The following FANCA variants were observed in gnomAD, a reference collection of about 807,000 sequenced individuals.
The protein encoded by FANCA is Fanconi anemia group A protein.
FANCA carries 236 observed loss-of-function variants against 194.3 expected under a neutral mutation model. The ratio of observed to expected loss-of-function variants is 1.21; its 90% CI spans 1.09 to 1.35. The LOEUF is 1.35. Ranked by LOEUF, FANCA falls within the 40% of genes most tolerant of loss-of-function variation. The probability of loss-of-function intolerance (pLI) is 0.00; values close to 1 mark genes in which losing one functional copy is unlikely to be tolerated. For synonymous variants in FANCA, 1,014 were observed against 715.8 expected (o/e 1.42, Z -6.65); for missense variants, 2,628 against 1,813.9 (o/e 1.45, Z -8.15).
At chr16:89,816,328 C>A (rs2041122953) in intron 1 of FANCA, 2 of 254,304 alleles carry the variant, frequency 7.9e-6, no homozygotes, top group East Asian at 1.2e-4. Context: ...GCCCCGCGGG[C>A]GGCGGCTGGG....
rs374649848 is a variant in FANCA at position 89,739,526 on chromosome 16, C to A, written c.3962G>T (p.Arg1321Leu). 3.9e-6 allele frequency: 6 copies of A among 1,551,202 alleles called. No homozygotes were observed. The highest frequency in any genetic ancestry group is 3.5e-6 in the Non-Finnish European group (4 of 1,147,066). ...SDLRLGRLLL[R>L]VAPDQHTRLL... is the part of the protein sequence containing the mutation. Reference sequence around the variant, plus strand: ...CCTGGTGTGCTGATCCGGGGCCACACGGAGGAGGAGCCGCCCCAGCCTGAG... The same window carrying A: ...CCTGGTGTGCTGATCCGGGGCCACAAGGAGGAGGAGCCGCCCCAGCCTGAG... Residue 1321 changes from arginine to leucine, a missense_variant, in exon 40 of 43, where the codon CGT (arginine) becomes CTT (leucine). Transcript: ENST00000389301.
intron 26 of FANCA, 34 bp from the exon 27 acceptor site, chr16:89,767,271 C>G (rs1240208650): frequency 6.9e-7 from 1 of 1,453,250 alleles, no homozygotes; most frequent in Non-Finnish European, 9.7e-7. Flanking sequence ...TAAATGTAAT[C>G]CATACAAAAT....
intron 17 of FANCA, among the ~76,000 whole-genome samples, chr16:89,782,537 T>C (rs2039755484): frequency 6.6e-6 from 1 of 151,984 alleles, no homozygotes; most frequent in African/African-American, 2.4e-5. Context: ...TTAACACTTT[T>C]CTGTGATTCA....
At chr16:89,789,262 G>C (rs2039990856) in intron 14 of FANCA, among the ~76,000 whole-genome samples, 1 of 150,314 alleles carries the variant, frequency 6.7e-6, no homozygotes, top group African/African-American at 2.5e-5. Flanking sequence ...AACACAAGCA[G>C]ATGCGGCTCA....
At chr16:89,768,222 G>T (rs988335541) in intron 26 of FANCA, among the ~76,000 whole-genome samples, 3 of 152,136 alleles carry the variant, frequency 2.0e-5, no homozygotes, top group Middle Eastern at 3.2e-3. Flanking sequence ...AGTGAGACCT[G>T]TGTCATTTAC....
rs150924963 is a variant in FANCA, at chr16:89,805,328, T to C, written c.661A>G (p.Met221Val). The change falls in exon 7 of 43, where the codon ATG (methionine) becomes GTG (valine). Residue 221 changes from methionine to valine, a missense_variant. Met to Val is a conservative substitution (Grantham distance 21, BLOSUM62 1). Transcript: ENST00000389301. ...FRNLCCLCEQMEASCQHADVA... is the reference protein window; with the variant it reads ...FRNLCCLCEQVEASCQHADVA... ...TCAGCATGCTGGCAGGATGCTTCCA[T>C]CTGTTCACAAAGGCAGCACAGATTC... is the stretch of plus-strand genomic sequence containing the variant. The C allele has an allele frequency of 1.0e-4, 163 of 1,613,920 alleles. No homozygotes were observed. Among genetic ancestry groups the C allele is most frequent in the Non-Finnish European group, 1.2e-4 (146 of 1,179,998 alleles).
chr16:89,810,628 G>A (rs2040839957), intron 5 of FANCA, 79 bp downstream of exon 5: 3 of 919,216 alleles, frequency 3.3e-6, no homozygotes, highest in South Asian at 2.6e-5. Context: ...AGAAAACCCA[G>A]GTACTCTGTT....
intron 29 of FANCA, 125 bp from the exon 30 acceptor site, chr16:89,758,830 G>A: frequency 1.4e-6 from 2 of 1,456,708 alleles, no homozygotes; most frequent in African/African-American, 2.8e-5. Flanking sequence ...GAGACTGGCG[G>A]CTCGGGACCT....
At position 89,738,565 on chromosome 16, in the gene FANCA, C is replaced by A. The variant is rs1326248696; in HGVS notation, c.*36G>T. The A allele has an allele frequency of 6.2e-7, 1 of 1,612,632 alleles. No individual in the cohort carries two copies. Among genetic ancestry groups the A allele is most frequent in the Non-Finnish European group, 8.5e-7 (1 of 1,179,930 alleles). On this transcript the variant is annotated 3_prime_UTR_variant, in exon 43 of 43. Transcript: ENST00000389301. ...TGTTATGCTTGTAATAAATTATTTA[C>A]ACGGGAGCTGGGCTGGTGTGCAGTG...
chr16:89,779,416 T>G (rs2039626206), intron 18 of FANCA, among the ~76,000 whole-genome samples: 1 of 151,944 alleles, frequency 6.6e-6, no homozygotes, highest in Non-Finnish European at 1.5e-5. Context: ...GCTATTCAGC[T>G]CTCTGTTACT....
chr16:89,791,620 T>G, intron 13 of FANCA, 84 bp from the exon 14 acceptor site: 2 of 1,569,004 alleles, frequency 1.3e-6, no homozygotes, highest in Non-Finnish European at 1.7e-6. Flanking sequence ...TGATCAAGTA[T>G]TCCAGAAGGA....
chr16:89,740,690 A>G (rs2062110302), intron 38 of FANCA, 114 bp downstream of exon 38: 1 of 840,550 alleles, frequency 1.2e-6, no homozygotes. Flanking sequence ...CACTTCCGCA[A>G]ACACAAGGAG....
chr16:89,769,079 G>A (rs1299939562), intron 26 of FANCA, among the ~76,000 whole-genome samples: 2 of 152,186 alleles, frequency 1.3e-5, no homozygotes, highest in Admixed American at 6.6e-5. Flanking sequence ...CTTGCTCCAC[G>A]TACATTTCTT....
intron 1 of FANCA, chr16:89,816,280 G>A (rs548250758): frequency 2.0e-4 from 53 of 262,012 alleles, no homozygotes; most frequent in African/African-American, 1.1e-3. Flanking sequence ...CGCCTGACAG[G>A]GCGGCCGGCG....
chr16:89,797,469 G>A (rs923774777), intron 10 of FANCA, among the ~76,000 whole-genome samples: 1 of 152,228 alleles, frequency 6.6e-6, no homozygotes, highest in African/African-American at 2.4e-5. Context: ...GGACATCGTG[G>A]AGATTCACTT....
rs749778768 is a variant in FANCA at position 89,764,997 on chromosome 16, G to C, written c.2671C>G (p.Leu891Val). ...GGAAGGTGCAAGGGTCTCCAGGAAA[G>C]GCTGGCTACGTCCTCCTCAGAAAGA... Reference protein sequence around the residue: ...QPLSEEDVASLSWRPLHLPSA... With the variant: ...QPLSEEDVASVSWRPLHLPSA... Residue 891 changes from leucine (L) to valine (V), a missense_variant, in exon 28 of 43, where the codon CTT (leucine) becomes GTT (valine). Transcript: ENST00000389301. 1.2e-6 allele frequency: 2 copies of C among 1,614,138 alleles called. No homozygotes were observed. The highest frequency in any genetic ancestry group is 1.1e-5 in the South Asian group (1 of 91,094).
intron 14 of FANCA, among the ~76,000 whole-genome samples, chr16:89,787,042 C>T (rs1198348695): frequency 1.3e-5 from 2 of 152,210 alleles, no homozygotes; most frequent in Non-Finnish European, 2.9e-5. Context: ...TGTAAAGCAT[C>T]TAAGTGACAC....
chr16:89,787,969 G>A (rs1042845732), intron 14 of FANCA, among the ~76,000 whole-genome samples: 4 of 151,838 alleles, frequency 2.6e-5, no homozygotes, highest in African/African-American at 9.7e-5. Flanking sequence ...CGCGTTCCGG[G>A]TTCAAGGAAT....
chr16:89,796,915 T>G (rs1022313027), intron 10 of FANCA, among the ~76,000 whole-genome samples: 5 of 151,946 alleles, frequency 3.3e-5, no homozygotes, highest in Admixed American at 1.3e-4. Context: ...TCCCAGCACT[T>G]TGGGAGGCCA....
Sources: allele counts gnomAD v4.1 joint callset (sites outside exome capture counted in the v4.1 genomes callset), GRCh38; gene constraint gnomAD v4.1.1; transcripts MANE v1.5; gene names NCBI Gene and HGNC (gene_info 2026-07-23, HGNC 2026-07-21).